Variants in CCDC73 observed in about 807,000 individuals in gnomAD.
The protein encoded by CCDC73 is coiled-coil domain-containing protein 73.
In CCDC73, 95 loss-of-function variants were observed where a neutral mutation model predicts 116.5. That is an observed-to-expected ratio of 0.82 (90% CI 0.69 to 0.97). The LOEUF is 0.97. CCDC73 is among the 50% of genes least tolerant of loss of function. CCDC73 has a pLI of 0.00. For missense variants in CCDC73, 1,066 were observed against 1,206.8 expected (o/e 0.88, Z 1.73); for synonymous variants, 398 against 401.3 (o/e 0.99, Z 0.10).
chr11:32,775,225 T>TA (rs1387727617), intron 1 of CCDC73, among the ~76,000 whole-genome samples: 1 of 152,202 alleles, frequency 6.6e-6, no homozygotes, highest in African/African-American at 2.4e-5. Context: ...TGGCACACAA[T>TA]AGACACTGAA....
intron 2 of CCDC73, among the ~76,000 whole-genome samples, chr11:32,748,515 T>C (rs1297379609): frequency 5.9e-5 from 9 of 152,212 alleles, no homozygotes; most frequent in Non-Finnish European, 1.3e-4. Context: ...GTCTATGTCT[T>C]GAAAAGCTGT....
chr11:32,654,833 T>G lies in CCDC73; in HGVS notation c.774+11A>C, dbSNP rs1290223859. 1 of 1,438,300 alleles carries G rather than the reference T, an allele frequency of 7.0e-7. No homozygotes were observed. The highest frequency in any genetic ancestry group is 2.4e-5 in the East Asian group (1 of 42,098). 89.1% of individuals were successfully genotyped at this position (1,438,300 alleles called of 1,614,324 possible). A position where few individuals can be genotyped will look rare whatever the true frequency, so the allele number is the denominator to read the frequency against. ...TATTAATGTTATAAACAAATACATT[T>G]AATAAAATACCATGTTGAGTCTTTC... On this transcript the variant is annotated intron_variant, in intron 10 of 17. Coordinates refer to ENST00000335185, the MANE Select transcript of CCDC73 (RefSeq NM_001008391.4).
At chr11:32,735,819 C>A (rs11031956) in intron 2 of CCDC73, among the ~76,000 whole-genome samples, 41,123 of 152,002 alleles carry the variant, frequency 0.27, 6,441 homozygotes, top group East Asian at 0.79. Context: ...GAGATATAGA[C>A]CAATGGAACA....
At chr11:32,628,136 T>C (rs551925348) in intron 14 of CCDC73, among the ~76,000 whole-genome samples, 6 of 152,082 alleles carry the variant, frequency 3.9e-5, no homozygotes, top group Non-Finnish European at 8.8e-5. Context: ...AGATACAGTG[T>C]ATGAAACAAC....
At chr11:32,713,017 C>G (rs1849915723) in intron 3 of CCDC73, among the ~76,000 whole-genome samples, 1 of 151,930 alleles carries the variant, frequency 6.6e-6, no homozygotes, top group East Asian at 1.9e-4. Context: ...TAACAAAAAG[C>G]CTGGTATTGT....
chr11:32,744,158 G>C (rs917070132), intron 2 of CCDC73, among the ~76,000 whole-genome samples: 1 of 152,200 alleles, frequency 6.6e-6, no homozygotes, highest in Non-Finnish European at 1.5e-5. Context: ...TGCATCTCTT[G>C]AGATAATCAT....
chr11:32,655,206 G>A (rs940782700), intron 9 of CCDC73, among the ~76,000 whole-genome samples: 2 of 151,556 alleles, frequency 1.3e-5, no homozygotes, highest in African/African-American at 4.9e-5. Flanking sequence ...CTTAAAAGGA[G>A]TGTACTAACA....
chr11:32,682,675 A>G (rs2133294694), intron 7 of CCDC73: 1 of 152,048 alleles, frequency 6.6e-6, no homozygotes, highest in East Asian at 1.9e-4. Context: ...TTGAGTGGAT[A>G]TAGGAAAATT....
At chr11:32,755,721 GTATATATATATCTCCATATATA>G (rs1850333053) in intron 2 of CCDC73, among the ~76,000 whole-genome samples, 21 of 45,808 alleles carry the variant, frequency 4.6e-4, no homozygotes, top group South Asian at 1.9e-3. Flanking sequence ...ATATATATGT[GTATATATATATCTCCATATATA>G]TGTGTATATA....
At position 32,611,183 on chromosome 11, in the gene CCDC73, C is replaced by G. The variant is rs1475513933; in HGVS notation, c.2979G>C (p.Glu993Asp). ...HPDPKGEPSE[E>D]KNAMAKTFYD... ...AAAAAGTCTTTGCCATTGCATTCTT[C>G]TCTTCACTGGGTTCTCCCTTGGGAT... Residue 993 changes from glutamate to aspartate, a missense_variant, in exon 17 of 18, where the codon GAG becomes GAC. Transcript: ENST00000335185. 2 of 1,613,870 alleles carry G rather than the reference C, an allele frequency of 1.2e-6. No homozygotes were observed. Among genetic ancestry groups the G allele is most frequent in the African/African-American group, 1.3e-5 (1 of 75,044 alleles).
chr11:32,803,280 G>A, the CCDC73 span, among the ~76,000 whole-genome samples: 4 of 150,706 alleles, frequency 2.7e-5, no homozygotes, highest in Non-Finnish European at 5.9e-5. Context: ...TAGTAGACAC[G>A]GGGCTTCACC....
intron 9 of CCDC73, among the ~76,000 whole-genome samples, chr11:32,667,654 G>T (rs1311632509): frequency 6.6e-6 from 1 of 152,158 alleles, no homozygotes; most frequent in Non-Finnish European, 1.5e-5. Flanking sequence ...CTCTTGGTGG[G>T]CTACACCCAC....
At chr11:32,634,422 A>G (rs1413336808) in intron 14 of CCDC73, among the ~76,000 whole-genome samples, 2 of 152,234 alleles carry the variant, frequency 1.3e-5, no homozygotes, top group Non-Finnish European at 2.9e-5. Flanking sequence ...ATAGACACAG[A>G]AAAAAGCATT....
intron 17 of CCDC73, chr11:32,603,941 A>G (rs2133208349): frequency 6.6e-6 from 1 of 152,328 alleles, no homozygotes; most frequent in African/African-American, 2.4e-5. Flanking sequence ...GTGGCATGCA[A>G]CTGTAGTCCC....
intron 12 of CCDC73, among the ~76,000 whole-genome samples, chr11:32,642,971 A>T (rs2133251326): frequency 6.6e-6 from 1 of 151,796 alleles, no homozygotes; most frequent in Non-Finnish European, 1.5e-5. Flanking sequence ...ATATAACCAT[A>T]AAAGTACGTA....
At chr11:32,650,396 A>G (rs7936829) in intron 12 of CCDC73, among the ~76,000 whole-genome samples, 11,306 of 152,180 alleles carry the variant, frequency 0.074, 474 homozygotes, top group South Asian at 0.12. Context: ...GATCTTTAAT[A>G]TTGTGTTTGG....
At chr11:32,683,761 G>A (rs1253199772) in intron 6 of CCDC73, among the ~76,000 whole-genome samples, 187 bp from the exon 7 acceptor site, 1 of 152,160 alleles carries the variant, frequency 6.6e-6, no homozygotes, top group Non-Finnish European at 1.5e-5. Flanking sequence ...GAATATAGCA[G>A]TGAACAAAAC....
At chr11:32,655,911 G>A (rs1217597248) in intron 9 of CCDC73, among the ~76,000 whole-genome samples, 2 of 152,098 alleles carry the variant, frequency 1.3e-5, no homozygotes, top group Non-Finnish European at 1.5e-5. Flanking sequence ...ACCAACTTTT[G>A]AATTAGTGTG....
rs151091516 is a variant in CCDC73 at position 32,648,058 on chromosome 11, T to C, written c.939+5065A>G. Among the ~76,000 whole-genome samples, 49 of 152,302 alleles carry C rather than the reference T, an allele frequency of 3.2e-4. 1 individual carries two copies. The highest frequency in any genetic ancestry group is 1.1e-3 in the African/African-American group (46 of 41,554). Reference sequence around the variant, plus strand: ...TCTCCAACAGAAACCTCCAATCTTCTGCAAAGTAGGAGAGGAGCACTGTCT... The same window carrying C: ...TCTCCAACAGAAACCTCCAATCTTCCGCAAAGTAGGAGAGGAGCACTGTCT... On this transcript the variant is annotated intron_variant, in intron 12 of 17. Coordinates refer to ENST00000335185, the MANE Select transcript of CCDC73 (RefSeq NM_001008391.4).
Sources: gnomAD v4.1 joint callset for allele counts (sites outside exome capture counted in the v4.1 genomes callset) on GRCh38, gnomAD v4.1.1 for gene constraint, MANE v1.5 for transcripts, NCBI Gene and HGNC (gene_info 2026-07-23, HGNC 2026-07-21) for gene names.